EIF4G3: variants seen among roughly 807,000 people sequenced by gnomAD.
EIF4G3 encodes the protein eukaryotic translation initiation factor 4 gamma 3, also known as eIF-4-gamma 3.
Under a neutral mutation model 186.4 loss-of-function variants are expected in EIF4G3, and 34 were observed. The observed-to-expected ratio is 0.18, with a 90% confidence interval of 0.14 to 0.24. EIF4G3 has a LOEUF of 0.24. Among genes scored for constraint, EIF4G3 ranks in the 10% least tolerant of loss-of-function variants. The probability of loss-of-function intolerance (pLI) is 1.00; values close to 1 mark genes in which losing one functional copy is unlikely to be tolerated. For synonymous variants in EIF4G3, 673 were observed against 679.5 expected, an observed-to-expected ratio of 0.99 and a Z score of 0.15; for missense variants, 1,536 against 1,948.5, an observed-to-expected ratio of 0.79 and a Z score of 3.99.
chr1:21,034,401 ACT>A (rs1204875495), intron 4 of EIF4G3, among the ~76,000 whole-genome samples: 2 of 152,164 alleles, frequency 1.3e-5, no homozygotes, highest in Non-Finnish European at 2.9e-5. Context: ...AATTATTCTT[ACT>A]CTGTTACTTC....
intron 12 of EIF4G3, among the ~76,000 whole-genome samples, chr1:20,959,421 A>T (rs1219268515): frequency 6.6e-6 from 1 of 152,072 alleles, no homozygotes; most frequent in African/African-American, 2.4e-5. Context: ...AAGACCTGAA[A>T]CTGTAAAAAT....
At chr1:21,095,014 C>G (rs1373100642) in intron 2 of EIF4G3, among the ~76,000 whole-genome samples, 1 of 151,898 alleles carries the variant, frequency 6.6e-6, no homozygotes, top group Non-Finnish European at 1.5e-5. Context: ...TAAAACTAAC[C>G]AATTTTAAAC....
intron 7 of EIF4G3, among the ~76,000 whole-genome samples, chr1:20,990,402 C>T (rs985091161): frequency 2.6e-5 from 4 of 152,062 alleles, no homozygotes; most frequent in Non-Finnish European, 2.9e-5. Context: ...CAGCCGGGTG[C>T]GGTGGCACAC....
rs181086095 is a variant in EIF4G3, at chr1:20,931,451, T to C, written c.1663+10040A>G. On this transcript the variant is annotated intron_variant, in intron 14 of 36. Coordinates refer to ENST00000602326, the MANE Select transcript of EIF4G3 (RefSeq NM_001391906.1). Reference sequence around the variant, plus strand: ...CATCATCCAGGCTTTGTGGCTCCATTTATAGAGCATAGGAAGAATAGATTT... The same window carrying C: ...CATCATCCAGGCTTTGTGGCTCCATCTATAGAGCATAGGAAGAATAGATTT... 9.9e-4 allele frequency among the ~76,000 whole-genome samples: 151 copies of C among 152,214 alleles called. 1 individual carries two copies. Among genetic ancestry groups the C allele is most frequent in the African/African-American group, 3.5e-3 (145 of 41,526 alleles).
At chr1:21,024,219 G>A (rs1404998481) in intron 4 of EIF4G3, among the ~76,000 whole-genome samples, 7 of 150,024 alleles carry the variant, frequency 4.7e-5, no homozygotes, top group Non-Finnish European at 7.4e-5. Flanking sequence ...GAGGGAGGTG[G>A]GGGTTCAGCC....
Position 21,093,857 on chromosome 1 carries a change from A to G in EIF4G3, c.-271-4644T>C, listed in dbSNP as rs546628867. 1.2e-4 allele frequency among the ~76,000 whole-genome samples: 18 copies of G among 152,248 alleles called. No homozygotes were observed. In the South Asian group the frequency reaches 3.7e-3, roughly 32 times the overall value. On this transcript the variant is annotated intron_variant, in intron 2 of 36. Transcript: ENST00000602326. ...TTCTCAGCAAACTATCACAAGGACA[A>G]AAAACCAAACACCACATGTTCTCAC...
chr1:21,031,384 C>CA (rs35183246), intron 4 of EIF4G3, among the ~76,000 whole-genome samples: 5,017 of 73,194 alleles, frequency 0.069, 166 homozygotes, highest in East Asian at 0.27. Context: ...GGAATGATGG[C>CA]AAAAAAAAAA....
chr1:20,840,310 T>C (rs1418039514), intron 30 of EIF4G3, among the ~76,000 whole-genome samples: 1 of 152,150 alleles, frequency 6.6e-6, no homozygotes, highest in African/African-American at 2.4e-5. Context: ...GCAGACCTTA[T>C]CAAACCATCC....
intron 2 of EIF4G3, among the ~76,000 whole-genome samples, chr1:21,145,700 TAGTC>T (rs2097427475): frequency 6.6e-6 from 1 of 152,164 alleles, no homozygotes; most frequent in African/African-American, 2.4e-5. Context: ...AGTTATCTAG[TAGTC>T]AATGTTAGGA....
chr1:20,807,169 A>G lies in EIF4G3; in HGVS notation c.*150T>C. 1 of 597,552 alleles carries G rather than the reference A, an allele frequency of 1.7e-6. No individual in the cohort carries two copies. The highest frequency in any genetic ancestry group is 2.6e-6 in the Non-Finnish European group (1 of 377,560). The allele number at this position is 597,552 out of a possible 1,614,324, so 37.0% of individuals were successfully genotyped here. A position where few individuals can be genotyped will look rare whatever the true frequency, so the allele number is the denominator to read the frequency against. ...TCCAGTACCTTTTTCCTCCATGATC[A>G]CCTTTTTTTCTCTTTCCCCTCTCCC... is the stretch of plus-strand genomic sequence containing the variant. On this transcript the variant is annotated 3_prime_UTR_variant, in exon 37 of 37. Transcript: ENST00000602326.
Position 21,123,519 on chromosome 1 carries a change from T to G in EIF4G3, c.-271-34306A>C, listed in dbSNP as rs9426650. 8.1e-5 allele frequency among the ~76,000 whole-genome samples: 12 copies of G among 148,296 alleles called. No individual in the cohort carries two copies. In the Admixed American group the frequency reaches 8.2e-4, roughly 10 times the overall value. On this transcript the variant is annotated intron_variant, in intron 2 of 36. Transcript: ENST00000602326. ...GGCAAAGGTTACAGTGGGCCAAGAT[T>G]GCACCACTGCATTCCAGCCTGGGCA...
At chr1:21,049,687 C>T (rs1286446597) in intron 4 of EIF4G3, among the ~76,000 whole-genome samples, 2 of 152,126 alleles carry the variant, frequency 1.3e-5, no homozygotes, top group Non-Finnish European at 2.9e-5. Context: ...CAAGGCCAAT[C>T]TGAGCAACAT....
chr1:20,867,623 A>G (rs1413294741), intron 20 of EIF4G3, among the ~76,000 whole-genome samples: 2 of 152,236 alleles, frequency 1.3e-5, no homozygotes, highest in African/African-American at 4.8e-5. Flanking sequence ...AGGGCCCAAT[A>G]AACAACTAGT....
chr1:20,852,983 TA>T (rs902622597), intron 27 of EIF4G3, among the ~76,000 whole-genome samples: 30 of 146,712 alleles, frequency 2.0e-4, no homozygotes, highest in Admixed American at 8.1e-4. Flanking sequence ...AAATAATAAT[TA>T]AAAAAAAAAA....
At chr1:21,086,327 G>A (rs12135271) in intron 3 of EIF4G3, among the ~76,000 whole-genome samples, 2 of 147,900 alleles carry the variant, frequency 1.4e-5, no homozygotes, top group East Asian at 4.0e-4. Flanking sequence ...AGCCTCCAAA[G>A]TACATGGGAC....
At chr1:21,159,937 C>T (rs1312284291) in intron 2 of EIF4G3, among the ~76,000 whole-genome samples, 1 of 152,062 alleles carries the variant, frequency 6.6e-6, no homozygotes, top group Non-Finnish European at 1.5e-5. Flanking sequence ...GAAACCCCGT[C>T]TATACAAAAA....
intron 2 of EIF4G3, among the ~76,000 whole-genome samples, chr1:21,152,664 CG>C (rs1209502606): frequency 6.6e-6 from 1 of 152,052 alleles, no homozygotes; most frequent in African/African-American, 2.4e-5. Flanking sequence ...GAGGTCATTG[CG>C]GTATTAGCTA....
intron 10 of EIF4G3, among the ~76,000 whole-genome samples, chr1:20,977,322 G>A (rs1457556846): frequency 6.6e-6 from 1 of 152,010 alleles, no homozygotes; most frequent in Non-Finnish European, 1.5e-5. Flanking sequence ...GAGTAGCTGG[G>A]ATTACAGGCG....
At chr1:21,016,149 T>C (rs2088954167) in intron 4 of EIF4G3, among the ~76,000 whole-genome samples, 1 of 152,196 alleles carries the variant, frequency 6.6e-6, no homozygotes, top group Non-Finnish European at 1.5e-5. Context: ...ATAACAAAGT[T>C]GGAGAGGCCT....
Sources: allele counts gnomAD v4.1 joint callset (sites outside exome capture counted in the v4.1 genomes callset), GRCh38; gene constraint gnomAD v4.1.1; transcripts MANE v1.5; gene names NCBI Gene and HGNC (gene_info 2026-07-23, HGNC 2026-07-21).